Variants in ACTN4 observed in about 807,000 individuals in gnomAD.
ACTN4 encodes the protein actinin alpha 4, also known as alpha-actinin-4.
A neutral mutation model predicts 114.2 loss-of-function variants in ACTN4; 18 were observed. The ratio of observed to expected loss-of-function variants is 0.16; its 90% CI spans 0.11 to 0.23. The LOEUF (loss-of-function observed/expected upper bound fraction) is 0.23. Among genes scored for constraint, ACTN4 ranks in the 10% least tolerant of loss-of-function variants. The pLI is 1.00. For missense variants in ACTN4, 722 were observed against 1,262.9 expected (o/e 0.57, Z 6.49); for synonymous variants, 515 against 506.3 (o/e 1.02, Z -0.23).
intron 1 of ACTN4, among the ~76,000 whole-genome samples, chr19:38,670,595 G>A (rs1568686381): frequency 6.6e-6 from 1 of 152,108 alleles, no homozygotes; most frequent in Non-Finnish European, 1.5e-5. Flanking sequence ...ACTTCACGAA[G>A]CTGGAAATGG....
chr19:38,697,000 A>G (rs1471424782), intron 1 of ACTN4, among the ~76,000 whole-genome samples: 1 of 151,724 alleles, frequency 6.6e-6, no homozygotes, highest in African/African-American at 2.4e-5. Flanking sequence ...CCCTATCTTA[A>G]CCTCTCGGTT....
chr19:38,673,475 T>TATATATTTATATATACTCA (rs1555826087), intron 1 of ACTN4, among the ~76,000 whole-genome samples: 2 of 64,244 alleles, frequency 3.1e-5, no homozygotes, highest in African/African-American at 5.3e-5. Context: ...TTATATATAT[T>TATATATTTATATATACTCA]TATATATATA....
chr19:38,658,429 T>A (rs948787604), intron 1 of ACTN4, among the ~76,000 whole-genome samples: 4 of 152,222 alleles, frequency 2.6e-5, no homozygotes, highest in Admixed American at 1.3e-4. Flanking sequence ...ACTTTTTTTT[T>A]AAATCCACAT....
At chr19:38,651,822 T>G (rs139058206) in intron 1 of ACTN4, among the ~76,000 whole-genome samples, 2 of 152,102 alleles carry the variant, frequency 1.3e-5, no homozygotes, top group Non-Finnish European at 2.9e-5. Flanking sequence ...CACAACCTCT[T>G]CCAGGTTCAA....
intron 1 of ACTN4, among the ~76,000 whole-genome samples, chr19:38,657,859 A>G (rs1334290645): frequency 6.6e-6 from 1 of 152,208 alleles, no homozygotes; most frequent in Non-Finnish European, 1.5e-5. Flanking sequence ...CAGTGGTGGA[A>G]GCTGACTTCA....
chr19:38,684,497 C>T (rs1335995855), intron 1 of ACTN4, among the ~76,000 whole-genome samples: 2 of 152,226 alleles, frequency 1.3e-5, no homozygotes, highest in African/African-American at 4.8e-5. Flanking sequence ...TCAGATCTGC[C>T]CCTGAGAGCA....
At chr19:38,686,694 C>G (rs1967754300) in intron 1 of ACTN4, among the ~76,000 whole-genome samples, 5 of 152,216 alleles carry the variant, frequency 3.3e-5, no homozygotes, top group Admixed American at 3.3e-4. Context: ...TGGGTTGAGA[C>G]CTATCTCTTC....
intron 1 of ACTN4, among the ~76,000 whole-genome samples, chr19:38,672,943 CTTTT>C (rs35501640): frequency 2.4e-5 from 3 of 122,916 alleles, no homozygotes; most frequent in East Asian, 2.4e-4. Context: ...GCCATCCATT[CTTTT>C]TTTTTTTTTT....
In ACTN4 at chr19:38,729,239, G is replaced by A. The variant is rs559939468; in HGVS notation, c.2578-35G>A. 53 of 1,612,378 alleles carry A rather than the reference G, an allele frequency of 3.3e-5. 1 individual carries two copies. The East Asian group carries it at 7.8e-4, about 24-fold the overall frequency. ...GGGCTGAGGGGGCCAGTGTGTGGGT[G>A]GGGATGGCTCAGAGTCCCATCCTGC... On this transcript the variant is annotated intron_variant, in intron 20 of 20. Coordinates refer to ENST00000252699, the MANE Select transcript of ACTN4 (RefSeq NM_004924.6).
chr19:38,671,817 T>C (rs1967137898), intron 1 of ACTN4, among the ~76,000 whole-genome samples: 1 of 152,264 alleles, frequency 6.6e-6, no homozygotes, highest in African/African-American at 2.4e-5. Flanking sequence ...CATGAAGGCA[T>C]CGCCCTCTGC....
Position 38,720,883 on chromosome 19 carries a change from C to T in ACTN4, c.1292-655C>T, listed in dbSNP as rs574552666. 9.2e-5 allele frequency among the ~76,000 whole-genome samples: 14 copies of T among 152,350 alleles called. 1 individual carries two copies. The highest frequency in any genetic ancestry group is 2.6e-4 in the Admixed American group (4 of 15,308). ...GCCACCTTCCCAGGCTGGCATTTTC[C>T]CTGCGGTTCCCTAAAGACCTTCACT... On this transcript the variant is annotated intron_variant, in intron 11 of 20. Transcript: ENST00000252699.
At chr19:38,680,187 C>T (rs1967512103) in intron 1 of ACTN4, among the ~76,000 whole-genome samples, 1 of 150,480 alleles carries the variant, frequency 6.6e-6, no homozygotes, top group African/African-American at 2.4e-5. Context: ...CAGCACCACA[C>T]CTGTCCATAG....
At chr19:38,659,921 CTTT>C (rs3033328) in intron 1 of ACTN4, among the ~76,000 whole-genome samples, 4 of 132,016 alleles carry the variant, frequency 3.0e-5, no homozygotes, top group Non-Finnish European at 3.2e-5. Flanking sequence ...TCTATATGAT[CTTT>C]TTTTTTTTTT....
chr19:38,709,866 C>T (rs991901079), intron 7 of ACTN4, among the ~76,000 whole-genome samples: 2 of 152,154 alleles, frequency 1.3e-5, no homozygotes, highest in African/African-American at 4.8e-5. Flanking sequence ...GTATGGAGCC[C>T]GACAAAGTGG....
chr19:38,720,638 A>C (rs556901217), intron 11 of ACTN4, among the ~76,000 whole-genome samples: 65 of 152,342 alleles, frequency 4.3e-4, no homozygotes, highest in African/African-American at 1.4e-3. Flanking sequence ...GCTGTGCTCG[A>C]ACACCACCTC....
chr19:38,705,952 C>G (rs1310505782), intron 4 of ACTN4, 92 bp from the exon 5 acceptor site: 1 of 1,346,722 alleles, frequency 7.4e-7, no homozygotes. Flanking sequence ...TTCGTTTGAC[C>G]CCAGGCCTGA....
chr19:38,684,723 C>T (rs943446939), intron 1 of ACTN4, among the ~76,000 whole-genome samples: 1 of 152,102 alleles, frequency 6.6e-6, no homozygotes, highest in Non-Finnish European at 1.5e-5. Flanking sequence ...TATAATTACT[C>T]TTTGGCTATA....
chr19:38,657,209 C>G (rs935588211), intron 1 of ACTN4, among the ~76,000 whole-genome samples: 3 of 151,868 alleles, frequency 2.0e-5, no homozygotes, highest in African/African-American at 7.3e-5. Context: ...GTAGCACGAT[C>G]TCAGCTCACT....
At chr19:38,687,420 G>A (rs1218274546) in intron 1 of ACTN4, among the ~76,000 whole-genome samples, 2 of 152,340 alleles carry the variant, frequency 1.3e-5, no homozygotes, top group African/African-American at 2.4e-5. Context: ...GAGGGAATCT[G>A]TCTCATTTTG....
Sources: allele counts gnomAD v4.1 joint callset (sites outside exome capture counted in the v4.1 genomes callset), GRCh38; gene constraint gnomAD v4.1.1; transcripts MANE v1.5; gene names NCBI Gene and HGNC (gene_info 2026-07-23, HGNC 2026-07-21).